The following ADIPOR1 variants were observed in gnomAD, a reference collection of about 807,000 sequenced individuals.
ADIPOR1 encodes adiponectin receptor 1, also known as adiponectin receptor protein 1.
In ADIPOR1, 15 loss-of-function variants were observed where a neutral mutation model predicts 37.5. The observed-to-expected ratio is 0.40, with a 90% CI of 0.27 to 0.62. The LOEUF is 0.62. Among genes scored for constraint, ADIPOR1 ranks in the 20% least tolerant of loss-of-function variants. ADIPOR1 has a pLI of 0.42. For synonymous variants in ADIPOR1, 173 were observed against 173.2 expected, an observed-to-expected ratio of 1.00 and a Z score of 0.01; for missense variants, 286 against 478.0, an observed-to-expected ratio of 0.60 and a Z score of 3.75.
At chr1:202,953,922 T>A (rs571135084) in intron 1 of ADIPOR1, among the ~76,000 whole-genome samples, 113 of 152,202 alleles carry the variant, frequency 7.4e-4, no homozygotes, top group Admixed American at 1.8e-3. Context: ...ATAGAGAAAA[T>A]TTAAGTTGGG....
At chr1:202,949,559 C>T (rs1490510464) in intron 2 of ADIPOR1, among the ~76,000 whole-genome samples, 2 of 128,314 alleles carry the variant, frequency 1.6e-5, no homozygotes, top group Non-Finnish European at 3.1e-5. Flanking sequence ...CCAGCCAGGG[C>T]GACAGCGAGA....
intron 1 of ADIPOR1, among the ~76,000 whole-genome samples, chr1:202,954,933 C>G (rs1214279177): frequency 1.3e-5 from 2 of 152,096 alleles, no homozygotes; most frequent in African/African-American, 2.4e-5. Context: ...GTTCCTGGGC[C>G]TTTAGAGAGT....
intron 6 of ADIPOR1, among the ~76,000 whole-genome samples, chr1:202,943,177 T>C (rs1654169545): frequency 6.6e-6 from 1 of 152,248 alleles, no homozygotes. Context: ...CAATATTTAA[T>C]TATTTTAACT....
chr1:202,946,812 TAAAAAAAAA>T (rs376398598), intron 3 of ADIPOR1, among the ~76,000 whole-genome samples: 1 of 140,228 alleles, frequency 7.1e-6, no homozygotes, highest in Admixed American at 7.1e-5. Flanking sequence ...TTTTGACCAT[TAAAAAAAAA>T]AAAAAAATCC....
At position 202,941,699 on chromosome 1, in the gene ADIPOR1, G is replaced by A. The variant is rs144099149; in HGVS notation, c.1002C>T (p.Phe334=). 14 of 1,609,416 alleles carry A rather than the reference G, an allele frequency of 8.7e-6. No individual in the cohort carries two copies. The African/African-American group carries it at 1.5e-4, about 17-fold the overall frequency. Residue 334 remains phenylalanine (F), a splice_region_variant and synonymous_variant, in exon 8 of 8, where the codon TTC becomes TTT. Transcript: ENST00000340990. ...GGACATGGAAAATCTGATGAGACTGGAACTGTAGGAATAAAAAGAAAAGAG... is the reference window on the plus strand; with the variant it reads ...GGACATGGAAAATCTGATGAGACTGAAACTGTAGGAATAAAAAGAAAAGAG... The part of the protein sequence containing the change: ...RFFPGKFDIW[F]QSHQIFHVLV...
chr1:202,954,226 C>T (rs1336099063), intron 1 of ADIPOR1: 1 of 152,208 alleles, frequency 6.6e-6, no homozygotes, highest in Non-Finnish European at 1.5e-5. Flanking sequence ...TATCATCATG[C>T]ATTAAAGTAC....
chr1:202,941,827 G>T (rs1404904265), intron 7 of ADIPOR1, 126 bp from the exon 8 acceptor site: 2 of 1,318,690 alleles, frequency 1.5e-6, no homozygotes, highest in African/African-American at 3.0e-5. Flanking sequence ...CATTAAAGTG[G>T]TATATTTAGA....
intron 5 of ADIPOR1, 69 bp from the exon 6 acceptor site, chr1:202,944,014 T>C: frequency 7.2e-7 from 1 of 1,386,192 alleles, no homozygotes; most frequent in Non-Finnish European, 9.9e-7. Context: ...TTTAACTAGC[T>C]CTTTCTGTTC....
At chr1:202,950,311 T>C (rs561982911) in intron 2 of ADIPOR1, among the ~76,000 whole-genome samples, 3 of 151,902 alleles carry the variant, frequency 2.0e-5, no homozygotes, top group South Asian at 4.2e-4. Context: ...CAGTGGCTCA[T>C]ACCTGTAATT....
chr1:202,948,353 G>A lies in ADIPOR1; in HGVS notation c.209C>T (p.Pro70Leu). The change falls in exon 3 of 8, where the codon CCC becomes CTC. Residue 70 changes from proline (P) to leucine (L), a missense_variant. Transcript: ENST00000340990. The stretch of plus-strand genomic sequence containing the variant: ...CTCCATGGCGTGGTGGGCTTGCAGG[G>A]GAAGTGTCAGTACCCGCACCTCCTC... ...EEEEVRVLTL[P>L]LQAHHAMEKM... 1 of 1,613,980 alleles carries A rather than the reference G, an allele frequency of 6.2e-7. No individual in the cohort carries two copies. The highest frequency in any genetic ancestry group is 8.5e-7 in the Non-Finnish European group (1 of 1,179,932).
In ADIPOR1 at chr1:202,952,329, G is replaced by A. The variant is rs146800945; in HGVS notation, c.-94-1165C>T. ...CAGGTAACAACTGCACATGGAGTGG[G>A]TTGCATTCCGGGAGAGGAAACTTAA... On this transcript the variant is annotated intron_variant, in intron 1 of 7. Coordinates refer to ENST00000340990, the MANE Select transcript of ADIPOR1 (RefSeq NM_015999.6). Among the ~76,000 whole-genome samples, 9 of 152,278 alleles carry A rather than the reference G, an allele frequency of 5.9e-5. No homozygotes were observed. In the East Asian group the frequency reaches 1.7e-3, roughly 29 times the overall value.
intron 6 of ADIPOR1, 57 bp downstream of exon 6, chr1:202,943,701 G>C: frequency 1.3e-6 from 2 of 1,552,856 alleles, no homozygotes; most frequent in East Asian, 2.3e-5. Context: ...ATAGGTTTGA[G>C]CCTATCAGGC....
At chr1:202,941,970 A>C in intron 7 of ADIPOR1, 55 bp downstream of exon 7, 1 of 1,532,918 alleles carries the variant, frequency 6.5e-7, no homozygotes, top group Non-Finnish European at 8.8e-7. Context: ...TCAGCCCTTT[A>C]ACTTTGGGCT....
At chr1:202,955,176 C>T (rs1399041710) in intron 1 of ADIPOR1, among the ~76,000 whole-genome samples, 2 of 151,962 alleles carry the variant, frequency 1.3e-5, no homozygotes, top group Admixed American at 6.6e-5. Context: ...GTCCCAGACT[C>T]TGAAGTGGAA....
chr1:202,946,466 T>A lies in ADIPOR1; in HGVS notation c.403A>T (p.Thr135Ser). The change falls in exon 4 of 8, where the codon ACT (threonine) becomes TCT (serine). Residue 135 changes from threonine to serine, a missense_variant. Coordinates refer to ENST00000340990, the MANE Select transcript of ADIPOR1 (RefSeq NM_015999.6). ...AGCAGATGGGTCCAGATGTTGCCAG[T>A]TTCTGTATGAATGCGGAAGATGCTC... ...FKSIFRIHTE[T>S]GNIWTHLLGF... The A allele has an allele frequency of 6.2e-7, 1 of 1,614,080 alleles. No homozygotes were observed. The highest frequency in any genetic ancestry group is 8.5e-7 in the Non-Finnish European group (1 of 1,180,028).
At chr1:202,955,166 G>A (rs996812455) in intron 1 of ADIPOR1, among the ~76,000 whole-genome samples, 3 of 151,852 alleles carry the variant, frequency 2.0e-5, no homozygotes, top group Non-Finnish European at 2.9e-5. Context: ...GATGCCAAGC[G>A]TCCCAGACTC....
intron 1 of ADIPOR1, 121 bp from the exon 2 acceptor site, chr1:202,951,285 G>T: frequency 1.8e-6 from 1 of 542,130 alleles, no homozygotes; most frequent in Non-Finnish European, 3.2e-6. Flanking sequence ...CTAAAGGCCA[G>T]TTAATTGCTT....
At chr1:202,952,926 C>T (rs1291280710) in intron 1 of ADIPOR1, among the ~76,000 whole-genome samples, 1 of 152,184 alleles carries the variant, frequency 6.6e-6, no homozygotes, top group African/African-American at 2.4e-5. Context: ...TGAAAGCAAC[C>T]GGCAATCTAG....
intron 6 of ADIPOR1, 51 bp from the exon 7 acceptor site, chr1:202,942,269 G>A (rs1420773772): frequency 1.3e-6 from 2 of 1,513,040 alleles, no homozygotes; most frequent in Admixed American, 3.9e-5. Context: ...CCACCGCATG[G>A]AAGGCACTGC....
Sources: gnomAD v4.1 joint callset for allele counts (sites outside exome capture counted in the v4.1 genomes callset) on GRCh38, gnomAD v4.1.1 for gene constraint, MANE v1.5 for transcripts, NCBI Gene and HGNC (gene_info 2026-07-23, HGNC 2026-07-21) for gene names.